Variants in CAPN8 observed in about 807,000 individuals in gnomAD.
The protein encoded by CAPN8 is calpain 8, also known as calpain-8.
In CAPN8, 87 loss-of-function variants were observed where a neutral mutation model predicts 80.9. The observed-to-expected ratio is 1.07, with a 90% CI of 0.90 to 1.28. The LOEUF is 1.28. Among genes scored for constraint, CAPN8 ranks in the 50% most tolerant of loss-of-function variants. The probability of loss-of-function intolerance (pLI) is 0.00; values close to 1 mark genes in which losing one functional copy is unlikely to be tolerated. For missense variants in CAPN8, 757 were observed against 702.0 expected, an observed-to-expected ratio of 1.08 and a Z score of -0.89; for synonymous variants, 299 against 273.8, an observed-to-expected ratio of 1.09 and a Z score of -0.91.
intron 15 of CAPN8, chr1:223,549,700 A>G: frequency 2.1e-6 from 1 of 481,022 alleles, no homozygotes; most frequent in Non-Finnish European, 3.8e-6. Flanking sequence ...GGGAATAATC[A>G]TGATAGTAAC....
At chr1:223,629,232 T>TGTGTGTGTGTGTG (rs68132305) in intron 2 of CAPN8, among the ~76,000 whole-genome samples, 8,828 of 132,388 alleles carry the variant, frequency 0.067, 385 homozygotes, top group Admixed American at 0.13. Flanking sequence ...GTGTGTGTGT[T>TGTGTGTGTGTGTG]TATGTTCCTT....
intron 6 of CAPN8, among the ~76,000 whole-genome samples, chr1:223,623,484 A>C (rs1408920321): frequency 6.6e-6 from 1 of 152,096 alleles, no homozygotes; most frequent in Non-Finnish European, 1.5e-5. Flanking sequence ...CAAAGCCCAT[A>C]CTCCTAAATC....
At chr1:223,642,763 G>T in intron 2 of CAPN8, 2 of 454,482 alleles carry the variant, frequency 4.4e-6, no homozygotes, top group Non-Finnish European at 8.8e-6. Flanking sequence ...GAAGAAACTT[G>T]TTCAGATTAT....
chr1:223,549,576 A>C lies in CAPN8; in HGVS notation c.1700-194T>G, dbSNP rs1350829687. 3.7e-6 allele frequency: 3 copies of C among 821,848 alleles called. No homozygotes were observed. The South Asian group carries it at 4.3e-5, about 12-fold the overall frequency. 50.9% of individuals were successfully genotyped at this position (821,848 alleles called of 1,614,324 possible). On this transcript the variant is annotated intron_variant, in intron 15 of 20. Coordinates refer to ENST00000366872, the MANE Select transcript of CAPN8 (RefSeq NM_001143962.2). ...AGCCTCCTGGTGCCGTGGGAGATAG[A>C]ACAGACAAGCACCAGCATCCAAGTA... is the stretch of plus-strand genomic sequence containing the variant.
Position 223,665,426 on chromosome 1 carries a change from A to T in CAPN8, c.221T>A (p.Ile74Asn). ...CTTCCTTACCGTGGGCCGCTTCCAGATGATGCCTTGAGTTTGCGGAGAGCC... is the reference window on the plus strand; with the variant it reads ...CTTCCTTACCGTGGGCCGCTTCCAGTTGATGCCTTGAGTTTGCGGAGAGCC... ...GPGSPQTQGI[I>N]WKRPTELCPS... is the part of the protein sequence containing the mutation. The change falls in exon 1 of 21, where the codon ATC (isoleucine) becomes AAC (asparagine). Residue 74 changes from isoleucine (I) to asparagine (N), a missense_variant. Physicochemically the swap from Ile to Asn is moderately radical, Grantham distance 149 (BLOSUM62 -3). Coordinates refer to ENST00000366872, the MANE Select transcript of CAPN8 (RefSeq NM_001143962.2). 6.4e-7 allele frequency: 1 copy of T among 1,551,394 alleles called. No individual in the cohort carries two copies. Among genetic ancestry groups the T allele is most frequent in the Non-Finnish European group, 8.7e-7 (1 of 1,146,500 alleles).
intron 13 of CAPN8, among the ~76,000 whole-genome samples, chr1:223,555,924 G>A (rs984900017): frequency 2.0e-5 from 3 of 152,192 alleles, no homozygotes; most frequent in African/African-American, 7.2e-5. Flanking sequence ...TGAACAAGGC[G>A]TAGTTTTTGT....
chr1:223,544,497 T>C (rs1656564076), intron 18 of CAPN8, among the ~76,000 whole-genome samples: 1 of 152,198 alleles, frequency 6.6e-6, no homozygotes. Flanking sequence ...AGTTCCTGTC[T>C]GTCTCCTTCA....
At chr1:223,661,963 A>C (rs1658655877) in intron 1 of CAPN8, among the ~76,000 whole-genome samples, 1 of 152,238 alleles carries the variant, frequency 6.6e-6, no homozygotes, top group Admixed American at 6.5e-5. Context: ...GTCTATAGAC[A>C]CCACAGAATA....
intron 9 of CAPN8, 68 bp from the exon 10 acceptor site, chr1:223,616,213 A>G: frequency 6.8e-7 from 1 of 1,468,310 alleles, no homozygotes. Flanking sequence ...AATAAAGTAA[A>G]AGGGAAGAAA....
At chr1:223,632,576 C>T (rs1657803915) in intron 2 of CAPN8, among the ~76,000 whole-genome samples, 2 of 152,092 alleles carry the variant, frequency 1.3e-5, no homozygotes, top group African/African-American at 4.8e-5. Context: ...CACTATGTTG[C>T]CCATGCTGAT....
At chr1:223,623,871 G>A (rs952726146) in intron 6 of CAPN8, among the ~76,000 whole-genome samples, 1 of 151,810 alleles carries the variant, frequency 6.6e-6, no homozygotes, top group East Asian at 1.9e-4. Flanking sequence ...GTGGTGGCGC[G>A]TGCCTGTAAT....
At chr1:223,644,158 A>C in intron 2 of CAPN8, 1 of 356,970 alleles carries the variant, frequency 2.8e-6, no homozygotes, top group Non-Finnish European at 5.4e-6. Context: ...TTTTAGCATG[A>C]TCCAACCCAG....
chr1:223,541,847 C>A lies in CAPN8; in HGVS notation c.2101G>T (p.Val701Leu). 6.4e-7 allele frequency: 1 copy of A among 1,550,478 alleles called. No individual in the cohort carries two copies. The highest frequency in any genetic ancestry group is 1.2e-5 in the South Asian group (1 of 83,976). Residue 701 changes from valine to leucine, a missense_variant, in exon 21 of 21, where the codon GTG (valine) becomes TTG (leucine). Coordinates refer to ENST00000366872, the MANE Select transcript of CAPN8 (RefSeq NM_001143962.2). Reference protein sequence around the residue: ...QLSLAEWLCCVLV With the variant: ...QLSLAEWLCCLLV The stretch of plus-strand genomic sequence containing the variant: ...TCCGAAACCCCGGGTCAGACCAACA[C>A]GCAGCACAGCCACTGCAAAGGAAAG...
intron 2 of CAPN8, among the ~76,000 whole-genome samples, chr1:223,645,414 A>ACTG (rs1344704295): frequency 3.9e-5 from 6 of 152,110 alleles, no homozygotes; most frequent in Non-Finnish European, 8.8e-5. Flanking sequence ...TCAAGTTGAC[A>ACTG]CTCGGTATTA....
chr1:223,628,003 A>G lies in CAPN8; in HGVS notation c.560+6T>C, dbSNP rs754404311. 1 of 1,530,910 alleles carries G rather than the reference A, an allele frequency of 6.5e-7. No homozygotes were observed. 94.8% of individuals were successfully genotyped at this position (1,530,910 alleles called of 1,614,324 possible). On this transcript the variant is annotated splice_donor_region_variant and intron_variant, in intron 4 of 20. Coordinates refer to ENST00000366872, the MANE Select transcript of CAPN8 (RefSeq NM_001143962.2). ...CGTCTCCCAGCTCCTGGCTTCCCCC[A>G]CTTACTTGGCATAGGCTTTCTCCAG...
chr1:223,556,049 CATT>C (rs1656900476), intron 13 of CAPN8, among the ~76,000 whole-genome samples: 1 of 152,164 alleles, frequency 6.6e-6, no homozygotes, highest in Non-Finnish European at 1.5e-5. Context: ...TCTTGTTATT[CATT>C]ATATCACATG....
At chr1:223,545,020 T>A in intron 17 of CAPN8, 170 bp from the exon 18 acceptor site, 1 of 1,420,816 alleles carries the variant, frequency 7.0e-7, no homozygotes, top group Non-Finnish European at 9.4e-7. Flanking sequence ...TGGCCAGTGC[T>A]GGCCCCTTTG....
chr1:223,553,661 G>A (rs1358607707), intron 14 of CAPN8, among the ~76,000 whole-genome samples, 171 bp downstream of exon 14: 3 of 152,162 alleles, frequency 2.0e-5, no homozygotes, highest in African/African-American at 4.8e-5. Context: ...ATGAAGGAAA[G>A]GTACTCAATC....
intron 11 of CAPN8, among the ~76,000 whole-genome samples, chr1:223,610,968 C>G (rs34485635): frequency 1.1e-4 from 16 of 151,936 alleles, no homozygotes; most frequent in Non-Finnish European, 4.4e-5. Flanking sequence ...TGCTTCAACA[C>G]GCCCTCTAGG....
Sources: gnomAD v4.1 joint callset for allele counts (sites outside exome capture counted in the v4.1 genomes callset) on GRCh38, gnomAD v4.1.1 for gene constraint, MANE v1.5 for transcripts, NCBI Gene and HGNC (gene_info 2026-07-23, HGNC 2026-07-21) for gene names.